Variants in RFX4 observed in about 807,000 individuals in gnomAD.
RFX4 encodes the protein transcription factor RFX4.
RFX4 carries 10 observed loss-of-function variants against 95.0 expected under a neutral mutation model. The observed-to-expected ratio is 0.11, with a 90% CI of 0.06 to 0.18. The LOEUF is 0.18. RFX4 is among the 10% of genes least tolerant of loss of function. The pLI is 1.00. For synonymous variants in RFX4, 321 were observed against 340.7 expected (o/e 0.94, Z 0.64); for missense variants, 640 against 922.0 (o/e 0.69, Z 3.96).
intron 4 of RFX4, among the ~76,000 whole-genome samples, chr12:106,660,880 G>A (rs973402191): frequency 6.6e-6 from 1 of 152,158 alleles, no homozygotes; most frequent in Non-Finnish European, 1.5e-5. Flanking sequence ...AAAATCTAAT[G>A]CCTGATGATC....
intron 2 of RFX4, among the ~76,000 whole-genome samples, chr12:106,616,506 GTC>G (rs2040077394): frequency 6.6e-6 from 1 of 151,982 alleles, no homozygotes; most frequent in Admixed American, 6.6e-5. Flanking sequence ...AGTTTCCTAT[GTC>G]TCTATTGTTT....
At chr12:106,761,010 T>G (rs1394647678) in intron 17 of RFX4, among the ~76,000 whole-genome samples, 187 bp from the exon 18 acceptor site, 1 of 152,126 alleles carries the variant, frequency 6.6e-6, no homozygotes, top group African/African-American at 2.4e-5. Flanking sequence ...ATGAAATCTT[T>G]TGCATTTCTC....
chr12:106,689,397 G>T (rs533185417), intron 7 of RFX4, 33 bp downstream of exon 7: 1 of 1,541,454 alleles, frequency 6.5e-7, no homozygotes, highest in South Asian at 1.1e-5. Context: ...GTGAATACTC[G>T]GTATTAAAAA....
intron 2 of RFX4, among the ~76,000 whole-genome samples, chr12:106,635,504 G>T (rs915014155): frequency 2.6e-5 from 4 of 152,028 alleles, no homozygotes; most frequent in Admixed American, 2.0e-4. Flanking sequence ...GTAGAGACAG[G>T]GTTTCACTGT....
At chr12:106,625,998 G>T (rs1809474956) in intron 2 of RFX4, among the ~76,000 whole-genome samples, 1 of 152,216 alleles carries the variant, frequency 6.6e-6, no homozygotes, top group South Asian at 2.1e-4. Context: ...ATGGATCCCT[G>T]CTCTCAATGA....
chr12:106,591,291 G>T (rs1442036483), intron 1 of RFX4, among the ~76,000 whole-genome samples: 3 of 112,952 alleles, frequency 2.7e-5, no homozygotes, highest in Non-Finnish European at 3.6e-5. Flanking sequence ...TTTTTTTGAC[G>T]GAGTCTTGCA....
intron 2 of RFX4, among the ~76,000 whole-genome samples, chr12:106,636,390 CAAA>C (rs34305367): frequency 3.9e-4 from 30 of 76,852 alleles, no homozygotes; most frequent in African/African-American, 1.1e-3. Flanking sequence ...AACTCTGTCT[CAAA>C]AAAAAAAAAA....
At chr12:106,594,214 T>G (rs188310396) in intron 1 of RFX4, among the ~76,000 whole-genome samples, 29 of 152,332 alleles carry the variant, frequency 1.9e-4, no homozygotes, top group African/African-American at 6.3e-4. Flanking sequence ...CTCAGAAAGC[T>G]CTGGGAGTTT....
intron 17 of RFX4, among the ~76,000 whole-genome samples, chr12:106,759,690 C>T (rs1020516008): frequency 3.9e-5 from 6 of 152,258 alleles, no homozygotes; most frequent in Non-Finnish European, 7.4e-5. Context: ...AAAGCCTTGG[C>T]GTGCTGTCCA....
rs527852528 is a variant in RFX4 at position 106,707,160 on chromosome 12, A to T, written c.834-2170A>T. On this transcript the variant is annotated intron_variant, in intron 8 of 17. Coordinates refer to ENST00000392842, the MANE Select transcript of RFX4 (RefSeq NM_213594.3). The stretch of plus-strand genomic sequence containing the variant: ...TTTATTATACTACCTGTCTTGGGGT[A>T]TGTTTGAAATTCTTGAAAATAAAAA... 1.4e-3 allele frequency among the ~76,000 whole-genome samples: 209 copies of T among 152,280 alleles called. 1 individual carries two copies. Among genetic ancestry groups the T allele is most frequent in the Middle Eastern group, 0.01 (3 of 294 alleles).
chr12:106,585,205 T>G (rs1416490848), intron 1 of RFX4, among the ~76,000 whole-genome samples: 1 of 152,214 alleles, frequency 6.6e-6, no homozygotes, highest in African/African-American at 2.4e-5. Context: ...GGCTTTTAGC[T>G]GCCTCCTCCA....
At chr12:106,636,390 C>CAAAA (rs34305367) in intron 2 of RFX4, among the ~76,000 whole-genome samples, 4 of 76,878 alleles carry the variant, frequency 5.2e-5, no homozygotes, top group Admixed American at 1.4e-4. Flanking sequence ...AACTCTGTCT[C>CAAAA]AAAAAAAAAA....
At chr12:106,686,411 CAAA>C (rs761963281) in intron 5 of RFX4, among the ~76,000 whole-genome samples, 4 of 63,332 alleles carry the variant, frequency 6.3e-5, no homozygotes, top group Admixed American at 1.8e-4. Flanking sequence ...GACTCTGTCT[CAAA>C]AAAAAAAAAA....
intron 1 of RFX4, chr12:106,583,577 TGTGA>T (rs1393076572): frequency 3.2e-5 from 13 of 407,948 alleles, no homozygotes; most frequent in South Asian, 1.0e-4. Context: ...TGTGTACGTG[TGTGA>T]GTGTGTGTGC....
At position 106,654,287 on chromosome 12, in the gene RFX4, T is replaced by G. The variant is rs2040913071; in HGVS notation, c.251T>G (p.Met84Arg). The part of the protein sequence containing the change: ...GVCIPRSALY[M>R]HYLDFCEKND... ...TGCATCCCTCGCAGTGCCCTCTATATGCATTACCTGGATTTCTGCGAGAAG... is the reference window on the plus strand; with the variant it reads ...TGCATCCCTCGCAGTGCCCTCTATAGGCATTACCTGGATTTCTGCGAGAAG... The change falls in exon 4 of 18, where the codon ATG (methionine) becomes AGG (arginine). Residue 84 changes from methionine (M) to arginine (R), a missense_variant. Transcript: ENST00000392842. 1.2e-6 allele frequency: 2 copies of G among 1,613,984 alleles called. No homozygotes were observed. Among genetic ancestry groups the G allele is most frequent in the African/African-American group, 1.3e-5 (1 of 74,924 alleles).
At chr12:106,616,074 T>C (rs1421030245) in intron 2 of RFX4, among the ~76,000 whole-genome samples, 4 of 152,226 alleles carry the variant, frequency 2.6e-5, no homozygotes, top group Admixed American at 2.0e-4. Context: ...GTTTCACCAT[T>C]AGGTGAGATG....
intron 4 of RFX4, among the ~76,000 whole-genome samples, chr12:106,657,109 G>A (rs1040064008): frequency 1.3e-5 from 2 of 152,192 alleles, no homozygotes; most frequent in African/African-American, 4.8e-5. Flanking sequence ...CCTTTCCTGA[G>A]GACTCCAGCA....
intron 13 of RFX4, 110 bp from the exon 14 acceptor site, chr12:106,732,020 C>A: frequency 6.8e-7 from 1 of 1,477,000 alleles, no homozygotes; most frequent in Non-Finnish European, 9.2e-7. Flanking sequence ...GAAAATTAGA[C>A]TCTTGAGCAG....
intron 1 of RFX4, among the ~76,000 whole-genome samples, chr12:106,590,700 C>T (rs959505815): frequency 6.6e-6 from 1 of 152,210 alleles, no homozygotes; most frequent in African/African-American, 2.4e-5. Flanking sequence ...CGTCCCTGCA[C>T]TTTGGGAGGT....
Sources: allele counts gnomAD v4.1 joint callset (sites outside exome capture counted in the v4.1 genomes callset), GRCh38; gene constraint gnomAD v4.1.1; transcripts MANE v1.5; gene names NCBI Gene and HGNC (gene_info 2026-07-23, HGNC 2026-07-21).